The following OTUD7A variants were observed in gnomAD, a reference collection of about 807,000 sequenced individuals.
OTUD7A encodes OTU deubiquitinase 7A.
A neutral mutation model predicts 65.7 loss-of-function variants in OTUD7A; 12 were observed. The ratio of observed to expected loss-of-function variants is 0.18; its 90% confidence interval spans 0.12 to 0.30. The LOEUF (loss-of-function observed/expected upper bound fraction) is 0.30. Ranked by LOEUF, OTUD7A falls within the 10% of genes least tolerant of loss-of-function variation. OTUD7A has a pLI of 1.00. For missense variants in OTUD7A, 1,148 were observed against 1,304.8 expected (o/e 0.88, Z 1.85); for synonymous variants, 641 against 586.3 (o/e 1.09, Z -1.35).
intron 3 of OTUD7A, among the ~76,000 whole-genome samples, chr15:31,598,924 A>C (rs1889991310): frequency 6.6e-6 from 1 of 152,106 alleles, no homozygotes; most frequent in Non-Finnish European, 1.5e-5. Flanking sequence ...ATCACAGCTC[A>C]GCAAGGCCGC....
intron 1 of OTUD7A, among the ~76,000 whole-genome samples, chr15:31,697,970 C>T (rs1451440996): frequency 6.6e-6 from 1 of 152,162 alleles, no homozygotes; most frequent in Non-Finnish European, 1.5e-5. Context: ...GATAATCGAG[C>T]CCATGGTCCT....
At chr15:31,833,987 G>A (rs1896995992) in intron 1 of OTUD7A, among the ~76,000 whole-genome samples, 1 of 152,212 alleles carries the variant, frequency 6.6e-6, no homozygotes, top group Non-Finnish European at 1.5e-5. Context: ...ATGAAACAGG[G>A]AGGCCGTGGA....
intron 1 of OTUD7A, among the ~76,000 whole-genome samples, chr15:31,774,919 A>C (rs1895333634): frequency 6.6e-6 from 1 of 150,994 alleles, no homozygotes; most frequent in Non-Finnish European, 1.5e-5. Flanking sequence ...AGGCCATCTC[A>C]TCAGGCAAGG....
intron 3 of OTUD7A, among the ~76,000 whole-genome samples, chr15:31,627,674 C>T (rs1566950279): frequency 6.6e-6 from 1 of 152,160 alleles, no homozygotes; most frequent in African/African-American, 2.4e-5. Flanking sequence ...ACACTGACTT[C>T]CACAATGGTT....
chr15:31,589,772 C>A (rs551376639), intron 3 of OTUD7A, among the ~76,000 whole-genome samples: 1 of 152,144 alleles, frequency 6.6e-6, no homozygotes, highest in Non-Finnish European at 1.5e-5. Context: ...ATTGTGTACT[C>A]AACTATTTCA....
chr15:31,486,037 C>T (rs1288942726), intron 12 of OTUD7A, among the ~76,000 whole-genome samples: 2 of 152,170 alleles, frequency 1.3e-5, no homozygotes, highest in Non-Finnish European at 2.9e-5. Context: ...CTAGCAGGAG[C>T]GCACTGAGAG....
chr15:31,611,505 A>G (rs1033881358), intron 3 of OTUD7A, among the ~76,000 whole-genome samples: 1 of 152,182 alleles, frequency 6.6e-6, no homozygotes, highest in Non-Finnish European at 1.5e-5. Flanking sequence ...AGAAATACAA[A>G]TGATCATTCA....
At chr15:31,777,060 C>A (rs1895401015) in intron 1 of OTUD7A, among the ~76,000 whole-genome samples, 1 of 151,994 alleles carries the variant, frequency 6.6e-6, no homozygotes, top group South Asian at 2.1e-4. Context: ...AATGTGATAC[C>A]ATAAACTGGG....
In OTUD7A at chr15:31,766,854, T is replaced by C. The variant is rs1895105547; in HGVS notation, c.-100+103653A>G. 23 of 1,611,880 alleles carry C rather than the reference T, an allele frequency of 1.4e-5. No individual in the cohort carries two copies. The Middle Eastern group carries it at 3.1e-3, about 220-fold the overall frequency. On this transcript the variant is annotated intron_variant, in intron 1 of 12. Transcript: ENST00000307050. ...TTTGTCCTTCTATGTTCGGAAAAGA[T>C]TGATGGAAGACACTGGATGCCTCTT...
At chr15:31,505,508 A>C (rs987736967) in intron 8 of OTUD7A, among the ~76,000 whole-genome samples, 8 of 152,158 alleles carry the variant, frequency 5.3e-5, no homozygotes, top group African/African-American at 1.9e-4. Context: ...TGGGGAGGAA[A>C]GGCTTTGAAG....
At chr15:31,555,376 A>G (rs1199505785) in intron 5 of OTUD7A, among the ~76,000 whole-genome samples, 1 of 152,308 alleles carries the variant, frequency 6.6e-6, no homozygotes, top group East Asian at 1.9e-4. Flanking sequence ...TCTCTCATGT[A>G]TTCAGTAAAA....
intron 3 of OTUD7A, among the ~76,000 whole-genome samples, chr15:31,653,950 TCA>T (rs1320862138): frequency 1.9e-5 from 2 of 104,400 alleles, no homozygotes; most frequent in Non-Finnish European, 3.8e-5. Context: ...CTTCTAATAT[TCA>T]CAGTCACCTT....
At chr15:31,496,557 T>G (rs572874667) in intron 10 of OTUD7A, among the ~76,000 whole-genome samples, 3 of 152,336 alleles carry the variant, frequency 2.0e-5, no homozygotes, top group African/African-American at 7.2e-5. Flanking sequence ...TAAAATCAAG[T>G]TGAGCAGAAT....
chr15:31,595,896 G>A (rs1210922978), intron 3 of OTUD7A, among the ~76,000 whole-genome samples: 1 of 151,938 alleles, frequency 6.6e-6, no homozygotes, highest in African/African-American at 2.4e-5. Context: ...CTTGGCTTGT[G>A]GCCCCTTTCT....
chr15:31,595,502 C>G (rs539651415), intron 3 of OTUD7A, among the ~76,000 whole-genome samples: 1 of 152,346 alleles, frequency 6.6e-6, no homozygotes, highest in Admixed American at 6.5e-5. Context: ...ACTGTAACCA[C>G]TAGCATGATC....
chr15:31,862,540 G>A (rs1367624236), intron 1 of OTUD7A, among the ~76,000 whole-genome samples: 3 of 152,102 alleles, frequency 2.0e-5, no homozygotes, highest in African/African-American at 7.2e-5. Flanking sequence ...ACATGGCAGT[G>A]GCAAGAGAAA....
chr15:31,589,578 C>T (rs1222620042), intron 3 of OTUD7A, among the ~76,000 whole-genome samples: 2 of 149,842 alleles, frequency 1.3e-5, no homozygotes, highest in African/African-American at 2.5e-5. Flanking sequence ...GCTGGGATTA[C>T]AGGTGTGAGC....
chr15:31,739,519 A>G (rs868381133), intron 1 of OTUD7A, among the ~76,000 whole-genome samples: 49 of 152,366 alleles, frequency 3.2e-4, no homozygotes, highest in African/African-American at 8.2e-4. Context: ...TAATGTTAAC[A>G]TAATAGACAA....
intron 1 of OTUD7A, among the ~76,000 whole-genome samples, chr15:31,791,534 G>A (rs918614258): frequency 1.3e-5 from 2 of 152,134 alleles, no homozygotes; most frequent in African/African-American, 4.8e-5. Flanking sequence ...AATAGGGAAA[G>A]CTCAACTAAA....
Sources: allele counts gnomAD v4.1 joint callset (sites outside exome capture counted in the v4.1 genomes callset), GRCh38; gene constraint gnomAD v4.1.1; transcripts MANE v1.5; gene names NCBI Gene and HGNC (gene_info 2026-07-23, HGNC 2026-07-21).